Variants in CBFB observed in about 807,000 individuals in gnomAD.
The protein encoded by CBFB is core-binding factor subunit beta.
In CBFB, 9 loss-of-function variants were observed where a neutral mutation model predicts 30.4. That is an observed-to-expected ratio of 0.30 (90% CI 0.18 to 0.52). CBFB has a LOEUF of 0.52. CBFB is among the 20% of genes least tolerant of loss of function. The pLI is 0.97. For synonymous variants in CBFB, 94 were observed against 84.0 expected (o/e 1.12, Z -0.65); for missense variants, 170 against 244.0 (o/e 0.70, Z 2.02).
Position 67,100,940 on chromosome 16 carries a change from T to C in CBFB, c.*2162T>C, listed in dbSNP as rs1827343754. The C allele has an allele frequency of 5.2e-6, 1 of 190,508 alleles. No individual in the cohort carries two copies. Among genetic ancestry groups the C allele is most frequent in the Admixed American group, 6.1e-5 (1 of 16,284 alleles). The allele number at this position is 190,508 out of a possible 1,614,324, so 11.8% of individuals were successfully genotyped here. On this transcript the variant is annotated 3_prime_UTR_variant, in exon 6 of 6. Transcript: ENST00000412916. ...AAAATTACATCATTGCATCATCTTT[T>C]CTAAATTCATCTCCATTAAAACTTG...
intron 3 of CBFB, among the ~76,000 whole-genome samples, chr16:67,056,627 G>A (rs529082342): frequency 1.3e-5 from 2 of 151,514 alleles, no homozygotes; most frequent in South Asian, 4.2e-4. Context: ...TTTTGGTGGT[G>A]AGGGATGCTT....
rs1052516587 is a variant in CBFB, at chr16:67,085,277, C to T, written c.495+2969C>T. ...CTCTGCCTCCCGGGTTCAAGCGATT[C>T]TCCTGCCTCAGTCTTCTGAGTAGCT... On this transcript the variant is annotated intron_variant, in intron 5 of 5. Transcript: ENST00000412916. 3.3e-5 allele frequency among the ~76,000 whole-genome samples: 5 copies of T among 151,654 alleles called. No individual in the cohort carries two copies. The East Asian group carries it at 7.8e-4, about 24-fold the overall frequency.
intron 3 of CBFB, among the ~76,000 whole-genome samples, chr16:67,064,042 T>C (rs1185121822): frequency 6.6e-6 from 1 of 152,218 alleles, no homozygotes; most frequent in Non-Finnish European, 1.5e-5. Flanking sequence ...AAAGCCTCGT[T>C]AATAAATATA....
intron 5 of CBFB, among the ~76,000 whole-genome samples, chr16:67,090,034 C>T (rs1370835395): frequency 6.6e-6 from 1 of 152,142 alleles, no homozygotes; most frequent in Non-Finnish European, 1.5e-5. Context: ...ATTTTAGATT[C>T]TGGTGTTTTT....
At chr16:67,029,893 C>A in intron 2 of CBFB, 80 bp downstream of exon 2, 4 of 935,052 alleles carry the variant, frequency 4.3e-6, no homozygotes, top group East Asian at 3.3e-5. Context: ...CGGACGGCGG[C>A]GCGGCTGCTG....
rs1180833771 is a variant in CBFB, at chr16:67,029,353, G to C, written c.-55G>C. 15 of 1,301,488 alleles carry C rather than the reference G, an allele frequency of 1.2e-5. No homozygotes were observed. The highest frequency in any genetic ancestry group is 2.0e-6 in the Non-Finnish European group (2 of 987,530). 80.6% of individuals were successfully genotyped at this position (1,301,488 alleles called of 1,614,324 possible). A position where few individuals can be genotyped will look rare whatever the true frequency, so the allele number is the denominator to read the frequency against. On this transcript the variant is annotated 5_prime_UTR_variant, in exon 1 of 6. Coordinates refer to ENST00000412916, the MANE Select transcript of CBFB (RefSeq NM_022845.3). ...GTCGGTCAGCGCGGAGCCAGCCAGC[G>C]GGTGCCCGCGCAAGCCCCGAGCGCG...
intron 3 of CBFB, among the ~76,000 whole-genome samples, chr16:67,066,460 C>T (rs1397206820): frequency 2.0e-5 from 3 of 151,212 alleles, no homozygotes; most frequent in African/African-American, 4.9e-5. Context: ...CTGGGGAGTC[C>T]GAGGTGGGAG....
intron 5 of CBFB, among the ~76,000 whole-genome samples, chr16:67,093,808 T>G (rs528669201): frequency 2.0e-4 from 31 of 152,182 alleles, no homozygotes; most frequent in Non-Finnish European, 3.2e-4. Flanking sequence ...TTACAAACTT[T>G]GTGCTTTTAG....
chr16:67,051,912 T>TACACACAC (rs112469458), intron 3 of CBFB, among the ~76,000 whole-genome samples: 36 of 144,024 alleles, frequency 2.5e-4, no homozygotes, highest in Non-Finnish European at 2.4e-4. Flanking sequence ...TATATGTGTA[T>TACACACAC]ACACACACAC....
At chr16:67,056,752 G>C (rs1234591407) in intron 3 of CBFB, among the ~76,000 whole-genome samples, 1 of 151,122 alleles carries the variant, frequency 6.6e-6, no homozygotes, top group East Asian at 1.9e-4. Flanking sequence ...CATGATCTCA[G>C]CTCACTGCAA....
chr16:67,037,517 CTTTTTT>C (rs907832672), intron 3 of CBFB, among the ~76,000 whole-genome samples: 4 of 151,040 alleles, frequency 2.6e-5, no homozygotes, highest in Admixed American at 6.6e-5. Context: ...CTTGGAAATA[CTTTTTT>C]TTTGTTTTGA....
chr16:67,091,654 C>G (rs551914619), intron 5 of CBFB, among the ~76,000 whole-genome samples: 50 of 152,292 alleles, frequency 3.3e-4, no homozygotes, highest in African/African-American at 1.2e-3. Flanking sequence ...TTTGACATGC[C>G]TGTTGGAACA....
intron 3 of CBFB, among the ~76,000 whole-genome samples, chr16:67,053,981 A>G (rs1267960320): frequency 1.3e-5 from 2 of 151,892 alleles, no homozygotes; most frequent in African/African-American, 4.8e-5. Context: ...GCAGTGGGGA[A>G]GGCTTATATA....
chr16:67,044,004 T>C (rs1175504513), intron 3 of CBFB, among the ~76,000 whole-genome samples: 1 of 152,240 alleles, frequency 6.6e-6, no homozygotes, highest in Non-Finnish European at 1.5e-5. Flanking sequence ...AATCAGAATT[T>C]AAATCATTCT....
At position 67,037,666 on chromosome 16, in the gene CBFB, A is replaced by ATTTTTTTTTTTTTT. The variant is rs35804914; in HGVS notation, c.282+917_282+930dup. ...CGTTAAATGTATTATGATTTTGGTA[A>ATTTTTTTTTTTTTT]TTTTTTTTTTTTTTTTTTTGAGATG... On this transcript the variant is annotated intron_variant, in intron 3 of 5. Coordinates refer to ENST00000412916, the MANE Select transcript of CBFB (RefSeq NM_022845.3). Among the ~76,000 whole-genome samples the ATTTTTTTTTTTTTT allele has an allele frequency of 7.4e-4, 96 of 129,268 alleles. 2 individuals are homozygous for ATTTTTTTTTTTTTT. The highest frequency in any genetic ancestry group is 2.9e-3 in the African/African-American group (93 of 32,392). The allele number at this position is 129,268 out of a possible 152,430, so 84.8% of individuals were successfully genotyped here.
chr16:67,100,277 A>G lies in CBFB; in HGVS notation c.*1499A>G, dbSNP rs562153142. 100 of 221,228 alleles carry G rather than the reference A, an allele frequency of 4.5e-4. No homozygotes were observed. The highest frequency in any genetic ancestry group is 7.5e-4 in the Non-Finnish European group (83 of 110,314). 13.7% of individuals were successfully genotyped at this position (221,228 alleles called of 1,614,324 possible). ...AGTCTGAATAAGGTCATTGCATTTAAAAAGCATATAACTGTACTTGACTGA... is the reference window on the plus strand; with the variant it reads ...AGTCTGAATAAGGTCATTGCATTTAGAAAGCATATAACTGTACTTGACTGA... On this transcript the variant is annotated 3_prime_UTR_variant, in exon 6 of 6. Transcript: ENST00000412916.
At chr16:67,041,526 C>T (rs146835508) in intron 3 of CBFB, among the ~76,000 whole-genome samples, 43 of 152,048 alleles carry the variant, frequency 2.8e-4, no homozygotes, top group African/African-American at 1.0e-3. Flanking sequence ...TGCTTGAACC[C>T]GGGAAGGGGA....
At chr16:67,096,257 G>A (rs1962042159) in intron 5 of CBFB, among the ~76,000 whole-genome samples, 1 of 151,910 alleles carries the variant, frequency 6.6e-6, no homozygotes, top group African/African-American at 2.4e-5. Context: ...GTTGCAGTGA[G>A]CTGAGATTGC....
rs1555539240 is a variant in CBFB, at chr16:67,082,289, C to T, written c.476C>T (p.Ser159Phe). ...CGCGAATTTGAAGATAGAGACAGGT[C>T]TCATCGGGAGGAAATGGAGGTGAGA... Reference protein sequence around the residue: ...RTREFEDRDRSHREEMEARRQ... With the variant: ...RTREFEDRDRFHREEMEARRQ... Residue 159 changes from serine to phenylalanine, a missense_variant, in exon 5 of 6, where the codon TCT becomes TTT. Transcript: ENST00000412916. The T allele has an allele frequency of 6.2e-7, 1 of 1,612,246 alleles. No individual in the cohort carries two copies. The highest frequency in any genetic ancestry group is 8.5e-7 in the Non-Finnish European group (1 of 1,178,758).
Sources: gnomAD v4.1 joint callset for allele counts (sites outside exome capture counted in the v4.1 genomes callset) on GRCh38, gnomAD v4.1.1 for gene constraint, MANE v1.5 for transcripts, NCBI Gene and HGNC (gene_info 2026-07-23, HGNC 2026-07-21) for gene names.